TENM2: variants seen among roughly 807,000 people sequenced by gnomAD.
TENM2 encodes teneurin-2.
A neutral mutation model predicts 245.2 loss-of-function variants in TENM2; 52 were observed. The observed-to-expected ratio is 0.21, with a 90% CI of 0.17 to 0.27. The LOEUF (loss-of-function observed/expected upper bound fraction) is 0.27. Ranked by LOEUF, TENM2 falls within the 10% of genes least tolerant of loss-of-function variation. TENM2 has a pLI of 1.00. For missense variants in TENM2, 3,046 were observed against 3,666.8 expected, an observed-to-expected ratio of 0.83 and a Z score of 4.37; for synonymous variants, 1,363 against 1,438.9, an observed-to-expected ratio of 0.95 and a Z score of 1.19.
At chr5:167,048,606 T>C in the TENM2 span, among the ~76,000 whole-genome samples, 1 of 152,134 alleles carries the variant, frequency 6.6e-6, no homozygotes, top group Non-Finnish European at 1.5e-5. Context: ...AAGTTATAAT[T>C]TAGTATTATT....
intron 2 of TENM2, among the ~76,000 whole-genome samples, chr5:167,711,789 G>C (rs891662131): frequency 6.6e-6 from 1 of 152,164 alleles, no homozygotes; most frequent in African/African-American, 2.4e-5. Flanking sequence ...CCAAGGTCAT[G>C]CAAGTTGAGG....
chr5:167,597,879 T>C (rs937729867), intron 2 of TENM2, among the ~76,000 whole-genome samples: 3 of 152,224 alleles, frequency 2.0e-5, no homozygotes, highest in African/African-American at 7.2e-5. Context: ...ATATACTGCT[T>C]CCACTGGGCT....
At chr5:167,636,933 T>G (rs1463388836) in intron 2 of TENM2, among the ~76,000 whole-genome samples, 3 of 152,174 alleles carry the variant, frequency 2.0e-5, no homozygotes, top group Non-Finnish European at 2.9e-5. Context: ...TGTGTCACAG[T>G]GTGGGAGCTA....
chr5:168,216,988 T>TTTCCTG, intron 22 of TENM2, 66 bp downstream of exon 24: 1 of 1,569,758 alleles, frequency 6.4e-7, no homozygotes, highest in Non-Finnish European at 8.7e-7. Flanking sequence ...TTCTTACCTG[T>TTTCCTG]TTCCTGTTTG....
intron 13 of TENM2, among the ~76,000 whole-genome samples, chr5:168,167,694 C>G (rs1758428964): frequency 1.3e-5 from 2 of 152,188 alleles, no homozygotes; most frequent in South Asian, 4.1e-4. Flanking sequence ...TCTTTCATGT[C>G]CCTGGTTTCT....
At chr5:167,940,641 G>A (rs902454834) in intron 3 of TENM2, among the ~76,000 whole-genome samples, 3 of 152,182 alleles carry the variant, frequency 2.0e-5, no homozygotes, top group African/African-American at 4.8e-5. Context: ...ATCAGGCAGA[G>A]GCCAGTAAGG....
At chr5:167,595,567 A>AT (rs1246777778) in intron 2 of TENM2, among the ~76,000 whole-genome samples, 1 of 152,254 alleles carries the variant, frequency 6.6e-6, no homozygotes, top group African/African-American at 2.4e-5. Context: ...TCAAGTATTC[A>AT]TGAGATACGT....
intron 1 of TENM2, among the ~76,000 whole-genome samples, chr5:167,353,508 T>G (rs1010357317): frequency 1.4e-4 from 16 of 113,032 alleles, no homozygotes; most frequent in Admixed American, 1.1e-3. Context: ...TTGTTTTTTT[T>G]TTTTTTTTTT....
chr5:168,260,354 A>G (rs1488531671), exon 28 of TENM2: 1 of 1,614,006 alleles, frequency 6.2e-7, no homozygotes, highest in African/African-American at 1.3e-5. Context: ...GAGAGCCAAA[A>G]TGTATTTCGT....
intron 2 of TENM2, among the ~76,000 whole-genome samples, chr5:167,681,638 C>T: frequency 7.2e-6 from 1 of 138,886 alleles, no homozygotes; most frequent in Middle Eastern, 3.8e-3. Flanking sequence ...TATATATATG[C>T]CCATGTTCTA....
At chr5:167,907,524 A>AATATATATATAT (rs56159044) in intron 3 of TENM2, among the ~76,000 whole-genome samples, 14 of 78,252 alleles carry the variant, frequency 1.8e-4, no homozygotes, top group Non-Finnish European at 3.4e-4. Flanking sequence ...GATCACCCTA[A>AATATATATATAT]ATATATATAT....
At chr5:167,574,242 A>G (rs1215347410) in intron 2 of TENM2, among the ~76,000 whole-genome samples, 1 of 152,200 alleles carries the variant, frequency 6.6e-6, no homozygotes, top group African/African-American at 2.4e-5. Context: ...ATACTGAATG[A>G]TTTCTCCTCC....
chr5:167,662,530 A>G (rs180781309), intron 2 of TENM2, among the ~76,000 whole-genome samples: 2,098 of 152,332 alleles, frequency 0.014, 33 homozygotes, highest in Non-Finnish European at 0.018. Flanking sequence ...ATCCACTTCC[A>G]TAAATCAGAC....
At chr5:167,546,871 C>A (rs1772592492) in intron 2 of TENM2, among the ~76,000 whole-genome samples, 1 of 152,110 alleles carries the variant, frequency 6.6e-6, no homozygotes, top group Non-Finnish European at 1.5e-5. Flanking sequence ...CTGTCCCTTT[C>A]CCCATAATTG....
intron 4 of TENM2, among the ~76,000 whole-genome samples, chr5:167,968,383 C>T (rs933317464): frequency 2.6e-5 from 4 of 152,126 alleles, no homozygotes; most frequent in Non-Finnish European, 4.4e-5. Context: ...CCTCCAATTG[C>T]TGTCATTTGT....
rs532303572 is a variant in TENM2 at position 167,960,332 on chromosome 5, C to T, written c.947+7510C>T. 3.4e-4 allele frequency among the ~76,000 whole-genome samples: 52 copies of T among 152,266 alleles called. 1 individual carries two copies. The highest frequency in any genetic ancestry group is 7.2e-4 in the African/African-American group (30 of 41,568). On this transcript the variant is annotated intron_variant, in intron 4 of 28. Transcript: ENST00000518659. Reference sequence around the variant, plus strand: ...CCCCAGGTGCTCTGTCCCAGGGAGACGGGAGTTTTATCTATAAGCCTCTGA... The same window carrying T: ...CCCCAGGTGCTCTGTCCCAGGGAGATGGGAGTTTTATCTATAAGCCTCTGA...
the TENM2 span, among the ~76,000 whole-genome samples, chr5:167,197,561 A>C: frequency 2.0e-5 from 3 of 152,034 alleles, no homozygotes; most frequent in Admixed American, 2.0e-4. Context: ...TTTCATTGTA[A>C]ACTGCATTTG....
chr5:168,248,835 T>C (rs1431522573), intron 27 of TENM2, among the ~76,000 whole-genome samples: 5 of 152,314 alleles, frequency 3.3e-5, no homozygotes, highest in Admixed American at 3.3e-4. Context: ...TGAACACAGC[T>C]GGGCATGGTG....
chr5:167,490,920 T>A (rs1423760644), intron 2 of TENM2, among the ~76,000 whole-genome samples: 4 of 152,286 alleles, frequency 2.6e-5, no homozygotes, highest in South Asian at 2.1e-4. Context: ...CTTTGACAAC[T>A]CTACGTTTCT....
Sources: gnomAD v4.1 joint callset for allele counts (sites outside exome capture counted in the v4.1 genomes callset) on GRCh38, gnomAD v4.1.1 for gene constraint, MANE v1.5 for transcripts, NCBI Gene and HGNC (gene_info 2026-07-23, HGNC 2026-07-21) for gene names.